The following DCLRE1C variants were observed in gnomAD, a reference collection of about 807,000 sequenced individuals.
DCLRE1C encodes DNA cross-link repair 1C, also known as protein artemis.
A neutral mutation model predicts 61.4 loss-of-function variants in DCLRE1C; 47 were observed. The ratio of observed to expected loss-of-function variants is 0.77; its 90% confidence interval spans 0.61 to 0.98. The LOEUF is 0.98. Ranked by LOEUF, DCLRE1C falls within the 50% of genes least tolerant of loss-of-function variation. The pLI, the probability that DCLRE1C is intolerant of heterozygous loss-of-function variation, is 0.00. For missense variants in DCLRE1C, 858 were observed against 816.0 expected, an observed-to-expected ratio of 1.05 and a Z score of -0.63; for synonymous variants, 337 against 287.6, an observed-to-expected ratio of 1.17 and a Z score of -1.74.
chr10:14,901,016 A>C, downstream of DCLRE1C: 8 of 1,376,424 alleles, frequency 5.8e-6, no homozygotes, highest in Non-Finnish European at 7.9e-6. Context: ...GCAATAAGCA[A>C]CTTAATTTCC....
chr10:14,926,521 G>A (rs137907563), intron 11 of DCLRE1C, among the ~76,000 whole-genome samples: 2,313 of 152,130 alleles, frequency 0.015, 42 homozygotes, highest in African/African-American at 0.052. Flanking sequence ...GGGCATGGTG[G>A]TGGGCACCTG....
At chr10:14,921,164 C>CA (rs1332160036) in intron 12 of DCLRE1C, among the ~76,000 whole-genome samples, 3 of 151,714 alleles carry the variant, frequency 2.0e-5, no homozygotes, top group Admixed American at 6.6e-5. Flanking sequence ...ACTAAAAATA[C>CA]AAAAAATTAG....
At chr10:14,948,094 G>A (rs992558827) in intron 2 of DCLRE1C, among the ~76,000 whole-genome samples, 1 of 151,934 alleles carries the variant, frequency 6.6e-6, no homozygotes, top group Non-Finnish European at 1.5e-5. Context: ...AAAATTATTG[G>A]CCAGGTGCAA....
At chr10:14,940,935 C>T (rs1369434165) in intron 3 of DCLRE1C, among the ~76,000 whole-genome samples, 6 of 152,200 alleles carry the variant, frequency 3.9e-5, no homozygotes, top group African/African-American at 7.2e-5. Context: ...CAGGCTGGGG[C>T]GCAGTGGCAC....
chr10:14,909,661 AG>A (rs1220467619), intron 13 of DCLRE1C, among the ~76,000 whole-genome samples: 1 of 151,970 alleles, frequency 6.6e-6, no homozygotes, highest in Non-Finnish European at 1.5e-5. Flanking sequence ...TGAATCCCTG[AG>A]GAAGATAGGA....
At chr10:14,912,821 A>G (rs1269255682) in intron 13 of DCLRE1C, among the ~76,000 whole-genome samples, 1 of 152,144 alleles carries the variant, frequency 6.6e-6, no homozygotes, top group East Asian at 1.9e-4. Context: ...AGCTGGGACT[A>G]CAGGTGCCCG....
At chr10:14,916,795 G>C (rs896485812) in intron 13 of DCLRE1C, among the ~76,000 whole-genome samples, 12 of 152,178 alleles carry the variant, frequency 7.9e-5, no homozygotes, top group African/African-American at 2.9e-4. Flanking sequence ...CCATGTTCAT[G>C]GATCTGAAAA....
chr10:14,924,688 A>T (rs996603187), intron 11 of DCLRE1C, among the ~76,000 whole-genome samples: 3 of 152,016 alleles, frequency 2.0e-5, no homozygotes, highest in Non-Finnish European at 1.5e-5. Flanking sequence ...CTCTACTAAA[A>T]ATACAAAAAA....
intron 10 of DCLRE1C, 100 bp from the exon 11 acceptor site, chr10:14,926,997 C>T: frequency 1.1e-6 from 1 of 906,198 alleles, no homozygotes; most frequent in Non-Finnish European, 1.8e-6. Flanking sequence ...CATGAAACCA[C>T]TCTAATGGGC....
intron 13 of DCLRE1C, among the ~76,000 whole-genome samples, chr10:14,914,932 C>A: frequency 6.8e-6 from 1 of 146,870 alleles, no homozygotes; most frequent in African/African-American, 2.6e-5. Context: ...AGAGAGAATC[C>A]ATCTCATTAA....
At chr10:14,948,334 A>G (rs530330535) in intron 2 of DCLRE1C, among the ~76,000 whole-genome samples, 1 of 152,226 alleles carries the variant, frequency 6.6e-6, no homozygotes, top group Non-Finnish European at 1.5e-5. Flanking sequence ...GAAGCCTGAC[A>G]TCCACTGGCC....
chr10:14,910,911 C>A (rs1269138976), intron 13 of DCLRE1C, among the ~76,000 whole-genome samples: 2 of 152,158 alleles, frequency 1.3e-5, no homozygotes, highest in Non-Finnish European at 2.9e-5. Context: ...TGCCTGACTC[C>A]CTGCTTCATA....
chr10:14,936,490 A>C (rs775205238), intron 5 of DCLRE1C, 48 bp downstream of exon 5: 50 of 1,449,314 alleles, frequency 3.4e-5, no homozygotes, highest in Non-Finnish European at 4.7e-5. Flanking sequence ...CTACAAATAC[A>C]ATATGTGTCT....
chr10:14,902,434 T>C, downstream of DCLRE1C: 1 of 1,611,174 alleles, frequency 6.2e-7, no homozygotes, highest in Non-Finnish European at 8.5e-7. Flanking sequence ...CAGATTCTAT[T>C]GACCACAGCC....
In DCLRE1C at chr10:14,934,345, A is replaced by G. The variant is rs192213467; in HGVS notation, c.678+35T>C. The G allele has an allele frequency of 9.9e-4, 1,572 of 1,590,682 alleles. 4 individuals carry two copies. Among genetic ancestry groups the G allele is most frequent in the Non-Finnish European group, 1.3e-3 (1,502 of 1,175,994 alleles). On this transcript the variant is annotated intron_variant, in intron 8 of 13. Coordinates refer to ENST00000378278, the MANE Select transcript of DCLRE1C (RefSeq NM_001033855.3). ...TCCCTCTCAAAAAAAAAAAAAAAAG[A>G]AAAAAGAAAAGAAAAGAATGAACAG...
chr10:14,924,020 G>A (rs1035072761), intron 11 of DCLRE1C, among the ~76,000 whole-genome samples: 1 of 152,226 alleles, frequency 6.6e-6, no homozygotes, highest in African/African-American at 2.4e-5. Flanking sequence ...CCCCCATCAT[G>A]CTGTCTGAAA....
At position 14,935,460 on chromosome 10, in the gene DCLRE1C, T is replaced by TA. The variant is rs1839755998; in HGVS notation, c.464+2dup. The TA allele has an allele frequency of 6.2e-7, 1 of 1,613,674 alleles. No individual in the cohort carries two copies. Among genetic ancestry groups the TA allele is most frequent in the East Asian group, 2.2e-5 (1 of 44,876 alleles). On this transcript the variant is annotated splice_region_variant and intron_variant, in intron 6 of 13. Transcript: ENST00000378278. Reference sequence around the variant, plus strand: ...AAAATAAAACCTATACGAGGCCCAGTACCTGCCCCCGGAGTGCAGAAGCTC... The same window carrying TA: ...AAAATAAAACCTATACGAGGCCCAGTAACCTGCCCCCGGAGTGCAGAAGCTC...
intron 2 of DCLRE1C, among the ~76,000 whole-genome samples, chr10:14,946,113 A>G (rs181409235): frequency 0.011 from 1,732 of 151,168 alleles, 20 homozygotes; most frequent in South Asian, 0.03. Context: ...GGTTCAAGCG[A>G]TTCTCCTGTC....
At chr10:14,913,290 C>T (rs1835601516) in intron 13 of DCLRE1C, among the ~76,000 whole-genome samples, 1 of 152,040 alleles carries the variant, frequency 6.6e-6, no homozygotes, top group African/African-American at 2.4e-5. Context: ...TTTTGGGTAA[C>T]AAAAAATGTT....
Sources: allele counts gnomAD v4.1 joint callset (sites outside exome capture counted in the v4.1 genomes callset), GRCh38; gene constraint gnomAD v4.1.1; transcripts MANE v1.5; gene names NCBI Gene and HGNC (gene_info 2026-07-23, HGNC 2026-07-21).